Variants in EXOC4 observed in about 807,000 individuals in gnomAD.
EXOC4 encodes the protein exocyst complex component 4.
In EXOC4, 71 loss-of-function variants were observed where a neutral mutation model predicts 107.2. The observed-to-expected ratio is 0.66, with a 90% CI of 0.55 to 0.81. EXOC4 has a LOEUF of 0.81. Ranked by LOEUF, EXOC4 falls within the 30% of genes least tolerant of loss-of-function variation. The pLI, the probability that EXOC4 is intolerant of heterozygous loss-of-function variation, is 0.00. For synonymous variants in EXOC4, 456 were observed against 441.2 expected (o/e 1.03, Z -0.42); for missense variants, 1,108 against 1,189.6 (o/e 0.93, Z 1.01).
the EXOC4 span, among the ~76,000 whole-genome samples, chr7:134,079,229 C>G: frequency 6.6e-6 from 1 of 152,162 alleles, no homozygotes; most frequent in Non-Finnish European, 1.5e-5. Flanking sequence ...CTCTCTGTCC[C>G]TTTTCTCTGT....
intron 10 of EXOC4, among the ~76,000 whole-genome samples, chr7:133,784,147 T>C (rs552775297): frequency 1.3e-5 from 2 of 152,286 alleles, no homozygotes; most frequent in South Asian, 2.1e-4. Context: ...GATTAACATA[T>C]AGGCTTCTCT....
chr7:133,487,515 C>G (rs1799290913), intron 9 of EXOC4, among the ~76,000 whole-genome samples: 1 of 152,146 alleles, frequency 6.6e-6, no homozygotes, highest in Non-Finnish European at 1.5e-5. Context: ...TCGTGACCAG[C>G]CTGACCAATA....
intron 5 of EXOC4, among the ~76,000 whole-genome samples, chr7:133,345,576 A>C (rs934986436): frequency 3.9e-5 from 6 of 152,066 alleles, no homozygotes; most frequent in African/African-American, 1.4e-4. Context: ...AAACGAGATC[A>C]TGTACATTAA....
intron 9 of EXOC4, among the ~76,000 whole-genome samples, chr7:133,600,695 C>A (rs570354449): frequency 6.6e-6 from 1 of 152,280 alleles, no homozygotes; most frequent in African/African-American, 2.4e-5. Context: ...TAAAGTCTGA[C>A]TCAGAAGAAA....
At chr7:133,739,034 A>G (rs1795505801) in intron 10 of EXOC4, among the ~76,000 whole-genome samples, 1 of 152,220 alleles carries the variant, frequency 6.6e-6, no homozygotes, top group South Asian at 2.1e-4. Flanking sequence ...TATAAAATGT[A>G]ATATAAATGT....
At chr7:133,762,337 G>A (rs1796049077) in intron 10 of EXOC4, among the ~76,000 whole-genome samples, 1 of 152,112 alleles carries the variant, frequency 6.6e-6, no homozygotes, top group South Asian at 2.1e-4. Context: ...CATCAGGTAT[G>A]TGCAAAAATG....
chr7:134,071,819 C>G, the EXOC4 span, among the ~76,000 whole-genome samples: 1 of 152,114 alleles, frequency 6.6e-6, no homozygotes, highest in Admixed American at 6.5e-5. Context: ...GCTACAGAAC[C>G]CCCCTCTGTG....
At chr7:133,449,853 G>A (rs1798301554) in intron 7 of EXOC4, among the ~76,000 whole-genome samples, 4 of 150,914 alleles carry the variant, frequency 2.7e-5, no homozygotes, top group Admixed American at 1.3e-4. Flanking sequence ...CTTTATTATT[G>A]CTGTTTTTCC....
chr7:133,994,008 G>C (rs183688958), intron 14 of EXOC4, among the ~76,000 whole-genome samples: 34 of 152,296 alleles, frequency 2.2e-4, no homozygotes, highest in Non-Finnish European at 1.9e-4. Flanking sequence ...AGTAACTGTT[G>C]GTTCGCCAAA....
intron 10 of EXOC4, among the ~76,000 whole-genome samples, chr7:133,775,733 T>C (rs1469804883): frequency 6.6e-6 from 1 of 152,206 alleles, no homozygotes; most frequent in Non-Finnish European, 1.5e-5. Flanking sequence ...AAGCCTTTCA[T>C]TCACTTTTCT....
intron 10 of EXOC4, among the ~76,000 whole-genome samples, chr7:133,806,270 T>C (rs1350565237): frequency 1.3e-5 from 2 of 152,202 alleles, no homozygotes; most frequent in Non-Finnish European, 2.9e-5. Context: ...ATTTTTAAGC[T>C]TGAGCTTAGG....
intron 6 of EXOC4, among the ~76,000 whole-genome samples, chr7:133,370,089 G>C (rs950677444): frequency 6.6e-6 from 1 of 151,872 alleles, no homozygotes; most frequent in East Asian, 1.9e-4. Context: ...ACTGTGCCTG[G>C]CCTCCTTCCA....
At position 133,783,661 on chromosome 7, in the gene EXOC4, G is replaced by A. The variant is rs117428630; in HGVS notation, c.1515-33664G>A. Among the ~76,000 whole-genome samples, 122 of 152,208 alleles carry A rather than the reference G, an allele frequency of 8.0e-4. 1 individual carries two copies. In the East Asian group the frequency reaches 0.022, roughly 28 times the overall value. ...TTAGTGTATGGGATCATTGCTTGTT[G>A]GTAGTTTTAAAAACTGTAGATGATT... On this transcript the variant is annotated intron_variant, in intron 10 of 17. Transcript: ENST00000253861.
At chr7:133,714,456 A>C (rs1488665129) in intron 10 of EXOC4, among the ~76,000 whole-genome samples, 1 of 152,344 alleles carries the variant, frequency 6.6e-6, no homozygotes, top group East Asian at 1.9e-4. Context: ...AGACTCAGCC[A>C]GGATTCAATT....
chr7:133,498,014 G>C (rs939549030), intron 9 of EXOC4, among the ~76,000 whole-genome samples: 5 of 152,066 alleles, frequency 3.3e-5, no homozygotes, highest in African/African-American at 7.2e-5. Context: ...TGTGATGATA[G>C]CCCCCTGAGG....
At chr7:134,033,400 G>A (rs928719899) in intron 17 of EXOC4, among the ~76,000 whole-genome samples, 2 of 152,106 alleles carry the variant, frequency 1.3e-5, no homozygotes, top group Non-Finnish European at 2.9e-5. Flanking sequence ...ATTCATTTTA[G>A]CACTGGAGGG....
chr7:133,755,294 T>G (rs1337133873), intron 10 of EXOC4, among the ~76,000 whole-genome samples: 2 of 115,512 alleles, frequency 1.7e-5, no homozygotes, highest in South Asian at 4.9e-4. Context: ...ATATACATAT[T>G]ATATATATTA....
At chr7:133,483,999 A>G (rs1391008321) in intron 9 of EXOC4, 6 of 1,611,914 alleles carry the variant, frequency 3.7e-6, no homozygotes, top group Middle Eastern at 3.3e-4. Flanking sequence ...TTTGCTTCCC[A>G]GTAATTTCGG....
At chr7:133,321,192 A>G (rs1394019119) in intron 5 of EXOC4, among the ~76,000 whole-genome samples, 1 of 130,316 alleles carries the variant, frequency 7.7e-6, no homozygotes, top group East Asian at 2.0e-4. Context: ...CTTTCAGGTT[A>G]TTTTAATTAA....
Sources: allele counts gnomAD v4.1 joint callset (sites outside exome capture counted in the v4.1 genomes callset), GRCh38; gene constraint gnomAD v4.1.1; transcripts MANE v1.5; gene names NCBI Gene and HGNC (gene_info 2026-07-23, HGNC 2026-07-21).